The following TOX2 variants were observed in gnomAD, a reference collection of about 807,000 sequenced individuals.
The protein encoded by TOX2 is TOX high mobility group box family member 2, also known as granulosa cell HMG box 1.
In TOX2, 15 loss-of-function variants were observed where a neutral mutation model predicts 47.4. The ratio of observed to expected loss-of-function variants is 0.32; its 90% CI spans 0.21 to 0.49. The LOEUF (loss-of-function observed/expected upper bound fraction) is 0.49, where lower values mean the gene tolerates loss of function less well. Ranked by LOEUF, TOX2 falls within the 20% of genes least tolerant of loss-of-function variation. TOX2 has a pLI of 0.99. For synonymous variants in TOX2, 290 were observed against 296.6 expected, an observed-to-expected ratio of 0.98 and a Z score of 0.23; for missense variants, 622 against 673.1, an observed-to-expected ratio of 0.92 and a Z score of 0.84.
chr20:43,964,540 G>C (rs2069816779), intron 1 of TOX2, among the ~76,000 whole-genome samples: 1 of 152,328 alleles, frequency 6.6e-6, no homozygotes, highest in Middle Eastern at 3.4e-3. Context: ...TCAGCTCTCA[G>C]TGCCTGTGAC....
At chr20:43,970,421 G>C (rs892025806) in intron 1 of TOX2, among the ~76,000 whole-genome samples, 1 of 152,208 alleles carries the variant, frequency 6.6e-6, no homozygotes, top group African/African-American at 2.4e-5. Context: ...CCCCTGCCTT[G>C]CAGTGGCTCT....
chr20:43,944,453 G>A (rs2069439887), intron 1 of TOX2, among the ~76,000 whole-genome samples: 1 of 152,172 alleles, frequency 6.6e-6, no homozygotes, highest in Non-Finnish European at 1.5e-5. Context: ...TGAAGGTCAG[G>A]GGAAGAGCAT....
intron 1 of TOX2, among the ~76,000 whole-genome samples, chr20:43,951,718 T>TG: frequency 7.9e-6 from 1 of 126,080 alleles, no homozygotes; most frequent in East Asian, 2.3e-4. Context: ...TTTTTTTTTT[T>TG]TTTTTTTTTT....
In TOX2 at chr20:43,915,111, C is replaced by A; in HGVS notation, c.99+121C>A. 2 of 475,448 alleles carry A rather than the reference C, an allele frequency of 4.2e-6. No individual in the cohort carries two copies. Among genetic ancestry groups the A allele is most frequent in the Non-Finnish European group, 5.8e-6 (2 of 346,288 alleles). 29.5% of individuals were successfully genotyped at this position (475,448 alleles called of 1,614,324 possible). On this transcript the variant is annotated intron_variant, in intron 1 of 8. Coordinates refer to ENST00000341197, the MANE Select transcript of TOX2 (RefSeq NM_001098797.2). The surrounding 1 kb of genome is among the most constrained non-coding windows in gnomAD (Gnocchi z 7.1). Reference sequence around the variant, plus strand: ...CATCAGCCCCGCCGACGGGCACGGGCGGCTCACATCGATCCCCTCGCGGCC... The same window carrying A: ...CATCAGCCCCGCCGACGGGCACGGGAGGCTCACATCGATCCCCTCGCGGCC...
chr20:43,962,376 T>G (rs1390654472), intron 1 of TOX2, among the ~76,000 whole-genome samples: 2 of 152,142 alleles, frequency 1.3e-5, no homozygotes, highest in Non-Finnish European at 2.9e-5. Context: ...CTGCAGCTTA[T>G]GAGATCTGCG....
chr20:43,972,453 C>T (rs1458435012), intron 1 of TOX2, among the ~76,000 whole-genome samples: 1 of 152,228 alleles, frequency 6.6e-6, no homozygotes, highest in Non-Finnish European at 1.5e-5. Flanking sequence ...CCACATGCAT[C>T]TGAACCCTTG....
intron 1 of TOX2, among the ~76,000 whole-genome samples, chr20:43,945,077 T>C (rs988196413): frequency 4.0e-5 from 6 of 151,810 alleles, no homozygotes; most frequent in Middle Eastern, 3.4e-3. Flanking sequence ...TTCAGAAGAG[T>C]GGAAAGGAAC....
chr20:44,018,414 C>T (rs556748899), intron 3 of TOX2, among the ~76,000 whole-genome samples: 1 of 152,268 alleles, frequency 6.6e-6, no homozygotes, highest in Non-Finnish European at 1.5e-5. Context: ...AAAATCGCAG[C>T]GACATTCGTC....
intron 1 of TOX2, among the ~76,000 whole-genome samples, chr20:43,928,906 G>A (rs1382364398): frequency 2.0e-5 from 3 of 149,826 alleles, no homozygotes; most frequent in Non-Finnish European, 4.4e-5. Context: ...AGGCAGAGGC[G>A]GGTGGATCAT....
At position 44,065,973 on chromosome 20, in the gene TOX2, C is replaced by T. The variant is rs969650539; in HGVS notation, c.1222C>T (p.Leu408=). ...CCCCACACTGCACCAGCAGCTGTCACTGCCCCCTCACGCCCAGGGCGCCCT... is the reference window on the plus strand; with the variant it reads ...CCCCACACTGCACCAGCAGCTGTCATTGCCCCCTCACGCCCAGGGCGCCCT... The part of the protein sequence containing the change: ...LSPTLHQQLS[L]PPHAQGALLS... Residue 408 remains leucine, a synonymous_variant, in exon 7 of 9, where the codon CTG becomes TTG. Transcript: ENST00000341197. 4.3e-6 allele frequency: 7 copies of T among 1,613,416 alleles called. No homozygotes were observed. The highest frequency in any genetic ancestry group is 1.3e-5 in the African/African-American group (1 of 75,068).
At chr20:43,979,920 T>C (rs2070142025) in intron 2 of TOX2, among the ~76,000 whole-genome samples, 1 of 152,180 alleles carries the variant, frequency 6.6e-6, no homozygotes, top group African/African-American at 2.4e-5. Context: ...CCTCGTACAC[T>C]GTTGGTGGGA....
intron 2 of TOX2, among the ~76,000 whole-genome samples, chr20:44,001,235 G>C (rs952459480): frequency 1.2e-4 from 19 of 152,188 alleles, no homozygotes; most frequent in South Asian, 4.1e-4. Flanking sequence ...ACCAGGGTCT[G>C]AATCACAACC....
intron 1 of TOX2, chr20:43,945,563 C>G (rs1191963850): frequency 7.7e-6 from 2 of 258,748 alleles, no homozygotes; most frequent in African/African-American, 4.4e-5. Flanking sequence ...ATTTGCCTTC[C>G]GAAGGCTCTT....
chr20:44,000,444 T>G (rs1400960414), intron 2 of TOX2, among the ~76,000 whole-genome samples: 1 of 151,978 alleles, frequency 6.6e-6, no homozygotes, highest in Non-Finnish European at 1.5e-5. Context: ...AAGGATGGAG[T>G]GGCCATTAGC....
rs184778931 is a variant in TOX2, at chr20:44,051,441, C to T, written c.547C>T (p.Arg183Trp). ...QSQLISQMGI[R>W]SSIAHSSPSP... Reference sequence around the variant, plus strand: ...CCAGCTCATCTCGCAGATGGGCATCCGGAGCAGCATCGCCCACAGCTCCCC... The same window carrying T: ...CCAGCTCATCTCGCAGATGGGCATCTGGAGCAGCATCGCCCACAGCTCCCC... The change falls in exon 4 of 9, where the codon CGG becomes TGG. Residue 183 changes from arginine (R) to tryptophan (W), a missense_variant. By Grantham distance (101) the Arg-to-Trp change is moderately radical (BLOSUM62 -3). Around this residue, in one of 3 missense-constraint regions of TOX2, gnomAD observed 307 missense variants for 327.3 expected, o/e 0.94. Transcript: ENST00000341197. 35 of 1,614,042 alleles carry T rather than the reference C, an allele frequency of 2.2e-5. No individual in the cohort carries two copies. The highest frequency in any genetic ancestry group is 8.8e-5 in the South Asian group (8 of 91,060).
Position 44,069,272 on chromosome 20 carries a change from T to G in TOX2, c.*586T>G, listed in dbSNP as rs2071895408. ...GCATTTTATATGATCCTTAGCACAT[T>G]TTTAAGTTTTATCTTAAGGGAGACG... On this transcript the variant is annotated 3_prime_UTR_variant, in exon 9 of 9. Coordinates refer to ENST00000341197, the MANE Select transcript of TOX2 (RefSeq NM_001098797.2). The G allele has an allele frequency of 5.1e-6, 1 of 196,694 alleles. No individual in the cohort carries two copies. Among genetic ancestry groups the G allele is most frequent in the Non-Finnish European group, 1.1e-5 (1 of 93,648 alleles). The allele number at this position is 196,694 out of a possible 1,614,324, so 12.2% of individuals were successfully genotyped here.
intron 2 of TOX2, among the ~76,000 whole-genome samples, chr20:43,988,393 C>T (rs956621508): frequency 6.6e-6 from 1 of 152,176 alleles, no homozygotes; most frequent in Non-Finnish European, 1.5e-5. Context: ...CAAATATAAG[C>T]AAATACAAAC....
intron 2 of TOX2, among the ~76,000 whole-genome samples, chr20:44,004,940 G>C (rs1019129305): frequency 2.6e-5 from 4 of 152,192 alleles, no homozygotes; most frequent in Non-Finnish European, 4.4e-5. Context: ...TAGTCTGAAA[G>C]AGCTAGAAGG....
chr20:43,927,060 T>C (rs1483118370), intron 1 of TOX2, among the ~76,000 whole-genome samples: 1 of 152,222 alleles, frequency 6.6e-6, no homozygotes, highest in African/African-American at 2.4e-5. Flanking sequence ...TTCCGTAGGC[T>C]TAGCTTCAAG....
Sources: gnomAD v4.1 joint callset for allele counts (sites outside exome capture counted in the v4.1 genomes callset) on GRCh38, gnomAD v4.1.1 for gene constraint, gnomAD v4.1.1 regional missense constraint, Gnocchi (gnomAD v3.1) non-coding constraint, MANE v1.5 for transcripts, NCBI Gene and HGNC (gene_info 2026-07-23, HGNC 2026-07-21) for gene names.